The following RIPOR3 variants were observed in gnomAD, a reference collection of about 807,000 sequenced individuals.
RIPOR3 encodes the protein RIPOR family member 3.
RIPOR3 carries 95 observed loss-of-function variants against 114.3 expected under a neutral mutation model. The observed-to-expected ratio is 0.83, with a 90% CI of 0.70 to 0.99. The LOEUF is 0.99. Among genes scored for constraint, RIPOR3 ranks in the 50% least tolerant of loss-of-function variants. The pLI, the probability that RIPOR3 is intolerant of heterozygous loss-of-function variation, is 0.00. For missense variants in RIPOR3, 1,252 were observed against 1,266.9 expected (o/e 0.99, Z 0.18); for synonymous variants, 575 against 543.8 (o/e 1.06, Z -0.80).
At position 50,609,759 on chromosome 20, in the gene RIPOR3, C is replaced by T. The variant is rs367955976; in HGVS notation, c.427-37G>A. 1,034 of 1,354,676 alleles carry T rather than the reference C, an allele frequency of 7.6e-4. 5 individuals are homozygous for T. In the African/African-American group the frequency reaches 0.014, roughly 18 times the overall value. 83.9% of individuals were successfully genotyped at this position (1,354,676 alleles called of 1,614,324 possible). A position where few individuals can be genotyped will look rare whatever the true frequency, so the allele number is the denominator to read the frequency against. On this transcript the variant is annotated intron_variant, in intron 6 of 21. Transcript: ENST00000327979. ...ACACGGGCTGGTGGCGCTGCCCACG[C>T]GGAGGGGCGGCCCCACACCTGCCTG...
chr20:50,600,166 G>A (rs568796817), intron 13 of RIPOR3, among the ~76,000 whole-genome samples: 10 of 152,274 alleles, frequency 6.6e-5, no homozygotes, highest in African/African-American at 2.4e-4. Context: ...GCCTCCCAAA[G>A]TGCTGGGATT....
At chr20:50,609,998 G>A (rs1273848621) in intron 6 of RIPOR3, among the ~76,000 whole-genome samples, 2 of 105,942 alleles carry the variant, frequency 1.9e-5, no homozygotes, top group Non-Finnish European at 4.1e-5. Flanking sequence ...TGCCTCACCT[G>A]CCACCCCTGC....
intron 13 of RIPOR3, among the ~76,000 whole-genome samples, chr20:50,597,988 G>T (rs556710380): frequency 2.0e-5 from 3 of 152,338 alleles, no homozygotes; most frequent in Non-Finnish European, 4.4e-5. Flanking sequence ...CACCCACGGG[G>T]ACAAGGCCAA....
chr20:50,654,422 GTTTT>G lies in RIPOR3; in HGVS notation c.4-23570_4-23567del, dbSNP rs34825514. On this transcript the variant is annotated intron_variant, in intron 1 of 21. Transcript: ENST00000327979. ...CCTCATGACTCTCCCAGGAGGCAGAGTTTTTTTTTTTTTTTTTTTTTTTTTTGAG... is the reference window on the plus strand; with the variant it reads ...CCTCATGACTCTCCCAGGAGGCAGAGTTTTTTTTTTTTTTTTTTTTTTGAG... Among the ~76,000 whole-genome samples, 464 of 56,032 alleles carry G rather than the reference GTTTT, an allele frequency of 8.3e-3. 1 individual carries two copies. The highest frequency in any genetic ancestry group is 0.029 in the African/African-American group (448 of 15,294). The allele number at this position is 56,032 out of a possible 152,430, so 36.8% of individuals were successfully genotyped here.
rs1270065949 is a variant in RIPOR3 at position 50,691,124 on chromosome 20, A to G, written c.3+2T>C. The G allele has an allele frequency of 7.8e-7, 1 of 1,289,240 alleles. No individual in the cohort carries two copies. Among genetic ancestry groups the G allele is most frequent in the African/African-American group, 1.5e-5 (1 of 65,902 alleles). 79.9% of individuals were successfully genotyped at this position (1,289,240 alleles called of 1,614,324 possible). On this transcript the variant is annotated splice_donor_variant, in intron 1 of 21. Transcript: ENST00000327979. LOFTEE classifies it high-confidence loss of function. Reference sequence around the variant, plus strand: ...CATGGGGAGCAGTCACTTCACACTCACCATCGAGCAGGTCTGGACACTCGA... The same window carrying G: ...CATGGGGAGCAGTCACTTCACACTCGCCATCGAGCAGGTCTGGACACTCGA...
chr20:50,630,944 G>A, intron 1 of RIPOR3, 88 bp from the exon 2 acceptor site: 1 of 1,018,156 alleles, frequency 9.8e-7, no homozygotes, highest in Non-Finnish European at 1.5e-6. Context: ...AACACCTACA[G>A]ACCTCACAAT....
intron 1 of RIPOR3, among the ~76,000 whole-genome samples, chr20:50,666,323 C>G (rs560981531): frequency 4.0e-5 from 6 of 150,444 alleles, no homozygotes; most frequent in African/African-American, 7.3e-5. Flanking sequence ...CTCCCGGGTT[C>G]AAGCAATTCT....
chr20:50,631,577 C>G (rs551026246), intron 1 of RIPOR3, among the ~76,000 whole-genome samples: 2 of 152,278 alleles, frequency 1.3e-5, no homozygotes, highest in East Asian at 3.9e-4. Context: ...AGGGGCTTGG[C>G]CTTACAATGG....
intron 7 of RIPOR3, 31 bp downstream of exon 7, chr20:50,609,542 C>G: frequency 7.0e-7 from 1 of 1,429,898 alleles, no homozygotes; most frequent in Non-Finnish European, 9.1e-7. Context: ...CTTGCTGCCC[C>G]TGCTGCCCAG....
chr20:50,620,491 G>C (rs1213645245), intron 2 of RIPOR3, among the ~76,000 whole-genome samples: 1 of 152,098 alleles, frequency 6.6e-6, no homozygotes, highest in Non-Finnish European at 1.5e-5. Flanking sequence ...GCCGGATGTG[G>C]TGGTACGTGC....
rs951004128 is a variant in RIPOR3, at chr20:50,684,996, T to C, written c.3+6130A>G. On this transcript the variant is annotated intron_variant, in intron 1 of 21. Coordinates refer to ENST00000327979, the MANE Select transcript of RIPOR3 (RefSeq NM_001290268.2). ...GGTCTTGCTATGTTGACCAGGCTGG[T>C]CTTGAACTCCTGGTCTCAAGCGATC... Among the ~76,000 whole-genome samples, 4 of 152,136 alleles carry C rather than the reference T, an allele frequency of 2.6e-5. No homozygotes were observed. In the South Asian group the frequency reaches 6.2e-4, roughly 24 times the overall value.
intron 1 of RIPOR3, among the ~76,000 whole-genome samples, chr20:50,635,371 A>C (rs909447461): frequency 6.6e-6 from 1 of 152,146 alleles, no homozygotes; most frequent in Non-Finnish European, 1.5e-5. Context: ...ACCGAGGCTC[A>C]TGCCAGGCGT....
rs561574953 is a variant in RIPOR3, at chr20:50,600,587, C to A, written c.1659+1485G>T. Among the ~76,000 whole-genome samples, 11 of 151,968 alleles carry A rather than the reference C, an allele frequency of 7.2e-5. No homozygotes were observed. The East Asian group carries it at 2.1e-3, about 29-fold the overall frequency. ...CAGCCTGGGCAACAAAGTGAGAACTCGTCTCTATAAAAAATAAACAAAATT... is the reference window on the plus strand; with the variant it reads ...CAGCCTGGGCAACAAAGTGAGAACTAGTCTCTATAAAAAATAAACAAAATT... On this transcript the variant is annotated intron_variant, in intron 13 of 21. Coordinates refer to ENST00000327979, the MANE Select transcript of RIPOR3 (RefSeq NM_001290268.2).
chr20:50,631,801 G>A (rs1336828965), intron 1 of RIPOR3, among the ~76,000 whole-genome samples: 1 of 152,158 alleles, frequency 6.6e-6, no homozygotes, highest in Admixed American at 6.5e-5. Context: ...CCTATCCCTT[G>A]GGAATATAGG....
chr20:50,597,820 C>T lies in RIPOR3; in HGVS notation c.1660-110G>A, dbSNP rs1313142557. 6 of 1,451,582 alleles carry T rather than the reference C, an allele frequency of 4.1e-6. No homozygotes were observed. The East Asian group carries it at 9.9e-5, about 24-fold the overall frequency. 89.9% of individuals were successfully genotyped at this position (1,451,582 alleles called of 1,614,324 possible). On this transcript the variant is annotated intron_variant, in intron 13 of 21. Transcript: ENST00000327979. ...TTGGGCAATGTCCCGGTCCCAAGCC[C>T]CAATCCCACACACCGTCCCCCAGCA...
intron 1 of RIPOR3, among the ~76,000 whole-genome samples, chr20:50,669,166 C>T (rs952904375): frequency 6.6e-6 from 1 of 152,192 alleles, no homozygotes; most frequent in Non-Finnish European, 1.5e-5. Flanking sequence ...CATGCATGCT[C>T]ACACATGCAC....
intron 1 of RIPOR3, among the ~76,000 whole-genome samples, chr20:50,684,563 A>T (rs1375275714): frequency 2.6e-5 from 4 of 152,106 alleles, no homozygotes; most frequent in African/African-American, 7.2e-5. Flanking sequence ...AAGGAACTGG[A>T]TCTAATTTCA....
At chr20:50,614,272 G>C (rs1448448555) in intron 4 of RIPOR3, among the ~76,000 whole-genome samples, 1 of 152,176 alleles carries the variant, frequency 6.6e-6, no homozygotes, top group African/African-American at 2.4e-5. Context: ...CTGATCTCGA[G>C]TGATCCACCC....
chr20:50,644,164 T>A (rs1297076807), intron 1 of RIPOR3, among the ~76,000 whole-genome samples: 1 of 151,914 alleles, frequency 6.6e-6, no homozygotes, highest in Non-Finnish European at 1.5e-5. Context: ...GTCCCTTAGT[T>A]TGTCACTATA....
Sources: gnomAD v4.1 joint callset for allele counts (sites outside exome capture counted in the v4.1 genomes callset) on GRCh38, gnomAD v4.1.1 for gene constraint, MANE v1.5 for transcripts, NCBI Gene and HGNC (gene_info 2026-07-23, HGNC 2026-07-21) for gene names.